ABCB7: variants seen among roughly 807,000 people sequenced by gnomAD.
ABCB7 encodes iron-sulfur clusters transporter ABCB7, mitochondrial.
In ABCB7, 7 loss-of-function variants were observed where a neutral mutation model predicts 54.4. That is an observed-to-expected ratio of 0.13 (90% confidence interval 0.07 to 0.24). ABCB7 has a LOEUF of 0.24. ABCB7 is among the 10% of genes least tolerant of loss of function. The pLI is 1.00. For missense variants in ABCB7, 356 were observed against 570.4 expected (o/e 0.62, Z 3.83); for synonymous variants, 218 against 207.1 (o/e 1.05, Z -0.45).
intron 1 of ABCB7, among the ~76,000 whole-genome samples, chrX:75,140,010 A>C (rs1163882057): frequency 8.9e-6 from 1 of 111,916 alleles, no homozygotes; most frequent in Non-Finnish European, 1.9e-5. Flanking sequence ...ACCAAAGTAC[A>C]TAAAAGAAAA....
rs1348312731 is a variant in ABCB7 at position 75,094,050 on chromosome X, A to C, written c.453+4892T>G. On this transcript the variant is annotated intron_variant, in intron 4 of 15. Coordinates refer to ENST00000373394, the MANE Select transcript of ABCB7 (RefSeq NM_001271696.3). ...TATATATATATATATATATATATAT[A>C]TATCTATCTTATTATTTGTTAGTCA... Among the ~76,000 whole-genome samples, 54 of 20,494 alleles carry C rather than the reference A, an allele frequency of 2.6e-3. 1 individual carries two copies. Among genetic ancestry groups the C allele is most frequent in the African/African-American group, 3.7e-3 (53 of 14,289 alleles). The allele number at this position is 20,494 out of a possible 115,157, so 17.8% of individuals were successfully genotyped here.
chrX:75,156,224 C>T lies in ABCB7; in HGVS notation c.49G>A (p.Ala17Thr). Residue 17 changes from alanine (A) to threonine (T), a missense_variant, in exon 1 of 16, where the codon GCT becomes ACT. By Grantham distance (58) the Ala-to-Thr change is moderately conservative (BLOSUM62 0). Coordinates refer to ENST00000373394, the MANE Select transcript of ABCB7 (RefSeq NM_001271696.3). ...HSWRWAAAAA[A>T]FEKRRHSAIL... ...GCGGAGTGCCGGCGCTTTTCGAAAGCAGCCGCCGCGGCCGCCCAGCGCCAA... is the reference window on the plus strand; with the variant it reads ...GCGGAGTGCCGGCGCTTTTCGAAAGTAGCCGCCGCGGCCGCCCAGCGCCAA... The T allele has an allele frequency of 8.3e-7, 1 of 1,205,066 alleles. No homozygotes were observed. The highest frequency in any genetic ancestry group is 1.1e-6 in the Non-Finnish European group (1 of 892,361).
intron 15 of ABCB7, among the ~76,000 whole-genome samples, chrX:75,054,185 G>A (rs2147439809): frequency 8.9e-6 from 1 of 112,147 alleles, no homozygotes; most frequent in East Asian, 2.8e-4. Flanking sequence ...GGTTAACCAT[G>A]CTGAGAGACA....
chrX:75,138,420 T>C (rs1469554344), intron 1 of ABCB7, among the ~76,000 whole-genome samples: 1 of 112,427 alleles, frequency 8.9e-6, no homozygotes, highest in Non-Finnish European at 1.9e-5. Context: ...GGGTTTTGTT[T>C]TAGTTTTGAC....
chrX:75,079,813 T>C (rs747706849), intron 4 of ABCB7, among the ~76,000 whole-genome samples: 150 of 111,656 alleles, frequency 1.3e-3, no homozygotes, highest in Admixed American at 2.3e-3. Context: ...TACAAAACTA[T>C]TCCATCACCA....
rs181355346 is a variant in ABCB7 at position 75,117,311 on chromosome X, C to T, written c.169-2480G>A. 1.1e-3 allele frequency among the ~76,000 whole-genome samples: 119 copies of T among 110,356 alleles called. 1 individual carries two copies. The highest frequency in any genetic ancestry group is 3.8e-3 in the African/African-American group (115 of 30,245). On this transcript the variant is annotated intron_variant, in intron 1 of 15. Coordinates refer to ENST00000373394, the MANE Select transcript of ABCB7 (RefSeq NM_001271696.3). ...CCAGTAGTATCTTTCTGGAGACCAC[C>T]GAAGGGACTATACTAAAGAAACCCG...
chrX:75,140,560 A>T (rs1487151800), intron 1 of ABCB7, among the ~76,000 whole-genome samples: 2 of 107,938 alleles, frequency 1.9e-5, no homozygotes, highest in Admixed American at 1.9e-4. Flanking sequence ...CCATACACTA[A>T]AATAAACCAT....
intron 5 of ABCB7, 136 bp from the exon 6 acceptor site, chrX:75,075,766 A>G: frequency 1.5e-6 from 1 of 647,755 alleles, no homozygotes; most frequent in Non-Finnish European, 2.3e-6. Context: ...ATTTACAATA[A>G]AAGAAACCTA....
intron 1 of ABCB7, among the ~76,000 whole-genome samples, chrX:75,137,114 T>C (rs2082015712): frequency 9.0e-6 from 1 of 110,674 alleles, no homozygotes; most frequent in South Asian, 3.8e-4. Context: ...GAATGGGGGG[T>C]AATATTTGCA....
intron 4 of ABCB7, among the ~76,000 whole-genome samples, chrX:75,082,286 C>T (rs1396751637): frequency 8.9e-6 from 1 of 111,859 alleles, no homozygotes; most frequent in African/African-American, 3.2e-5. Flanking sequence ...AGTGGGACAA[C>T]ATTTTTCAAG....
Position 75,062,352 on chromosome X carries a change from T to A in ABCB7, c.1911A>T (p.Ser637=). Reference sequence around the variant, plus strand: ...CCTCTTCAGTAATCGAATCTAACGATGAAGTAGCTTCATCATAGAGTATGA... The same window carrying A: ...CCTCTTCAGTAATCGAATCTAACGAAGAAGTAGCTTCATCATAGAGTATGA... The part of the protein sequence containing the change: ...PPVILYDEAT[S]SLDSITEETI... The change falls in exon 14 of 16, where the codon TCA becomes TCT. Residue 637 remains serine, a synonymous_variant. Transcript: ENST00000373394. The A allele has an allele frequency of 8.3e-7, 1 of 1,209,959 alleles. No homozygotes were observed. Among genetic ancestry groups the A allele is most frequent in the Non-Finnish European group, 1.1e-6 (1 of 893,744 alleles).
At chrX:75,101,110 G>A (rs1390207727) in intron 3 of ABCB7, among the ~76,000 whole-genome samples, 2 of 110,982 alleles carry the variant, frequency 1.8e-5, no homozygotes, top group Admixed American at 1.9e-4. Flanking sequence ...GTAGCTGTGA[G>A]TGGGTGGAAT....
At chrX:75,132,043 C>G (rs758022002) in intron 1 of ABCB7, among the ~76,000 whole-genome samples, 185 of 111,698 alleles carry the variant, frequency 1.7e-3, no homozygotes, top group Non-Finnish European at 2.6e-3. Context: ...CTTCACCAGG[C>G]AGGGCCCCGG....
Position 75,065,232 on chromosome X carries a change from G to A in ABCB7, c.1669C>T (p.Leu557Phe). 8.3e-7 allele frequency: 1 copy of A among 1,198,988 alleles called. No individual in the cohort carries two copies. Among genetic ancestry groups the A allele is most frequent in the Non-Finnish European group, 1.1e-6 (1 of 884,650 alleles). Reference protein sequence around the residue: ...AVGVVPQDAVLFHNTIYYNLL... With the variant: ...AVGVVPQDAVFFHNTIYYNLL... ...TTGTAATAAATAGTATTATGGAAGA[G>A]GACAGCATCCTGAAGCAGATATACT... The change falls in exon 13 of 16, where the codon CTC (leucine) becomes TTC (phenylalanine). Residue 557 changes from leucine (L) to phenylalanine (F), a missense_variant. By Grantham distance (22) the Leu-to-Phe change is conservative (BLOSUM62 0). Transcript: ENST00000373394.
At chrX:75,120,499 C>T (rs939646270) in intron 1 of ABCB7, among the ~76,000 whole-genome samples, 3 of 110,342 alleles carry the variant, frequency 2.7e-5, no homozygotes, top group African/African-American at 9.9e-5. Context: ...ATCCGAGCTA[C>T]TTGGGAGGCT....
chrX:75,098,409 C>T (rs1036143731), intron 4 of ABCB7, among the ~76,000 whole-genome samples: 1 of 111,096 alleles, frequency 9.0e-6, no homozygotes, highest in Non-Finnish European at 1.9e-5. Context: ...TTATATAGTA[C>T]AATGACAAAC....
chrX:75,144,576 T>C (rs909551286), intron 1 of ABCB7, among the ~76,000 whole-genome samples: 4 of 106,914 alleles, frequency 3.7e-5, no homozygotes, highest in Admixed American at 3.1e-4. Flanking sequence ...TAGCTGGTAT[T>C]ATTAAAAGTA....
At chrX:75,104,011 A>G (rs1289036115) in intron 3 of ABCB7, among the ~76,000 whole-genome samples, 1 of 89,981 alleles carries the variant, frequency 1.1e-5, no homozygotes, top group East Asian at 4.0e-4. Flanking sequence ...CATGTTGAAT[A>G]CGAGTAGTGA....
intron 4 of ABCB7, among the ~76,000 whole-genome samples, chrX:75,086,766 C>T (rs1272349442): frequency 9.0e-6 from 1 of 111,546 alleles, no homozygotes; most frequent in Non-Finnish European, 1.9e-5. Context: ...ATTTTCCAAG[C>T]ACTGGTCACG....
Sources: allele counts gnomAD v4.1 joint callset (sites outside exome capture counted in the v4.1 genomes callset), GRCh38; gene constraint gnomAD v4.1.1; transcripts MANE v1.5; gene names NCBI Gene and HGNC (gene_info 2026-07-23, HGNC 2026-07-21).